P3H1: variants seen among roughly 807,000 people sequenced by gnomAD.
The protein encoded by P3H1 is prolyl 3-hydroxylase 1.
P3H1 carries 69 observed loss-of-function variants against 84.0 expected under a neutral mutation model. The observed-to-expected ratio is 0.82, with a 90% CI of 0.68 to 1.00. P3H1 has a LOEUF of 1.00. Among genes scored for constraint, P3H1 ranks in the 50% least tolerant of loss-of-function variants. The pLI is 0.00. For missense variants in P3H1, 878 were observed against 962.8 expected (o/e 0.91, Z 1.17); for synonymous variants, 366 against 388.8 (o/e 0.94, Z 0.69).
At chr1:42,752,390 G>A in intron 9 of P3H1, 21 bp from the exon 10 acceptor site, 2 of 1,612,994 alleles carry the variant, frequency 1.2e-6, no homozygotes, top group Non-Finnish European at 8.5e-7. Flanking sequence ...CAAAACACAA[G>A]GTGATGTTAG....
At chr1:42,753,966 G>C (rs1305274689) in intron 8 of P3H1, among the ~76,000 whole-genome samples, 1 of 152,030 alleles carries the variant, frequency 6.6e-6, no homozygotes, top group African/African-American at 2.4e-5. Context: ...GTATATCTCA[G>C]ATGCCCTCAT....
intron 14 of P3H1, 65 bp downstream of exon 14, chr1:42,747,207 C>A (rs1225829212): frequency 2.5e-6 from 4 of 1,614,062 alleles, no homozygotes; most frequent in African/African-American, 2.7e-5. Context: ...AAAGGCAAAC[C>A]AAGGGCGCTC....
intron 10 of P3H1, among the ~76,000 whole-genome samples, chr1:42,750,942 G>T (rs1169985947): frequency 7.4e-6 from 1 of 135,752 alleles, no homozygotes; most frequent in South Asian, 2.7e-4. Flanking sequence ...CCGGGAGGGT[G>T]GTGGGGGGGT....
rs370763998 is a variant in P3H1 at position 42,754,223 on chromosome 1, T to C, written c.1345+646A>G. Among the ~76,000 whole-genome samples the C allele has an allele frequency of 1.1e-4, 17 of 151,822 alleles. No individual in the cohort carries two copies. The highest frequency in any genetic ancestry group is 2.7e-4 in the African/African-American group (11 of 41,302). ...CAGACGGGGAAAGGGTGGGTGCAGA[T>C]AGGAGGTGCCAGGGCCTGAAGGAAG... On this transcript the variant is annotated intron_variant, in intron 8 of 14. Coordinates refer to ENST00000296388, the MANE Select transcript of P3H1 (RefSeq NM_022356.4). The surrounding 1 kb of genome is among the most constrained non-coding windows in gnomAD (Gnocchi z 4.0).
chr1:42,755,208 T>C lies in P3H1; in HGVS notation c.1180A>G (p.Thr394Ala), dbSNP rs1315676902. ...CTCTTGGGAATCACTTCTTCTGGAG[T>C]CCATGAATCCTAAGTAGGTCAGGAA... ...GIPFVDPDSW[T>A]PEEVIPKRLQ... Residue 394 changes from threonine (T) to alanine (A), a missense_variant, in exon 7 of 15, where the codon ACT becomes GCT. Transcript: ENST00000296388. The C allele has an allele frequency of 2.5e-6, 4 of 1,614,038 alleles. No homozygotes were observed.
rs780329868 is a variant in P3H1, at chr1:42,748,208, G to C, written c.1830C>G (p.Arg610=). ...CVKEPPAYTF[R]DYSAILYLNG... is the part of the protein sequence containing the mutation. Reference sequence around the variant, plus strand: ...ACCTGCCCCGCACTCACCTGTAGTCGCGGAAGGTGTAGGCTGGGGGCTCTT... The same window carrying C: ...ACCTGCCCCGCACTCACCTGTAGTCCCGGAAGGTGTAGGCTGGGGGCTCTT... Residue 610 remains arginine, a synonymous_variant, in exon 12 of 15, where the codon CGC becomes CGG. Transcript: ENST00000296388. 1.2e-6 allele frequency: 2 copies of C among 1,613,070 alleles called. No individual in the cohort carries two copies. Among genetic ancestry groups the C allele is most frequent in the Non-Finnish European group, 1.7e-6 (2 of 1,179,524 alleles).
intron 11 of P3H1, chr1:42,749,971 C>T: frequency 1.7e-6 from 1 of 591,226 alleles, no homozygotes; most frequent in Non-Finnish European, 3.0e-6. Flanking sequence ...ACCCCATTTC[C>T]CTCTGGGAAG....
intron 14 of P3H1, 38 bp from the exon 15 acceptor site, chr1:42,746,890 C>A (rs924220640): frequency 1.2e-6 from 2 of 1,614,154 alleles, no homozygotes; most frequent in Non-Finnish European, 8.5e-7. Flanking sequence ...GAGAGGCCTC[C>A]GCTCCAGACA....
intron 1 of P3H1, among the ~76,000 whole-genome samples, chr1:42,766,206 A>T (rs977094062): frequency 2.0e-5 from 3 of 152,222 alleles, no homozygotes; most frequent in Admixed American, 2.0e-4. Flanking sequence ...TGGGAGACCC[A>T]AACTGCCGCT....
intron 2 of P3H1, chr1:42,759,996 T>TC (rs929243084): frequency 4.5e-5 from 7 of 154,444 alleles, no homozygotes; most frequent in African/African-American, 1.2e-4. Context: ...TTTTTTTTTT[T>TC]TTTTTGAGTC....
intron 1 of P3H1, among the ~76,000 whole-genome samples, chr1:42,763,954 C>A (rs1652858193): frequency 6.6e-6 from 1 of 151,694 alleles, no homozygotes; most frequent in South Asian, 2.1e-4. Flanking sequence ...ACCAGCGGAT[C>A]ATGAGGTCAG....
chr1:42,760,562 G>T (rs974606218), intron 2 of P3H1: 8 of 151,892 alleles, frequency 5.3e-5, no homozygotes, highest in African/African-American at 1.9e-4. Flanking sequence ...GGCCAGGCTG[G>T]TCTTGAACTT....
In P3H1 at chr1:42,748,233, T is replaced by C; in HGVS notation, c.1805A>G (p.Lys602Arg). 5.0e-6 allele frequency: 8 copies of C among 1,613,932 alleles called. No individual in the cohort carries two copies. The highest frequency in any genetic ancestry group is 6.8e-6 in the Non-Finnish European group (8 of 1,180,010). The change falls in exon 12 of 15, where the codon AAA becomes AGA. Residue 602 changes from lysine to arginine, a missense_variant. Lys to Arg is a conservative substitution (Grantham distance 26). Coordinates refer to ENST00000296388, the MANE Select transcript of P3H1 (RefSeq NM_022356.4). Reference protein sequence around the residue: ...ILNAETLVCVKEPPAYTFRDY... With the variant: ...ILNAETLVCVREPPAYTFRDY... Reference sequence around the variant, plus strand: ...GCGGAAGGTGTAGGCTGGGGGCTCTTTGACACACACGAGGGTCTCGGCATT... The same window carrying C: ...GCGGAAGGTGTAGGCTGGGGGCTCTCTGACACACACGAGGGTCTCGGCATT...
chr1:42,746,642 G>A lies in P3H1; in HGVS notation c.*55C>T. 5 of 1,429,798 alleles carry A rather than the reference G, an allele frequency of 3.5e-6. No individual in the cohort carries two copies. Among genetic ancestry groups the A allele is most frequent in the East Asian group, 5.0e-5 (2 of 40,336 alleles). The allele number at this position is 1,429,798 out of a possible 1,614,324, so 88.6% of individuals were successfully genotyped here. ...CCCGAGGGGCTGGCCAGCTCAGAGT[G>A]CAGAAGAGTTCCTCTCCATGGGTCT... On this transcript the variant is annotated 3_prime_UTR_variant, in exon 15 of 15. Transcript: ENST00000296388.
In P3H1 at chr1:42,754,822, T is replaced by C; in HGVS notation, c.1345+47A>G. 1 of 1,613,702 alleles carries C rather than the reference T, an allele frequency of 6.2e-7. No homozygotes were observed. Among genetic ancestry groups the C allele is most frequent in the Non-Finnish European group, 8.5e-7 (1 of 1,179,738 alleles). On this transcript the variant is annotated intron_variant, in intron 8 of 14. Transcript: ENST00000296388. This position sits in a 1 kb window ranked among gnomAD's most constrained non-coding sequence, Gnocchi z 4.0. The stretch of plus-strand genomic sequence containing the variant: ...CCTGGCAAATGTGGGGTGACCTGCC[T>C]GGCTCCCTGACAACAGCCAGACATG...
chr1:42,757,970 A>G, intron 4 of P3H1, 48 bp from the exon 5 acceptor site: 10 of 1,572,106 alleles, frequency 6.4e-6, no homozygotes, highest in Non-Finnish European at 8.8e-6. Context: ...TCAAAAGGAA[A>G]GGATAAAATC....
At chr1:42,748,027 T>G (rs1651829215) in intron 12 of P3H1, among the ~76,000 whole-genome samples, 173 bp downstream of exon 12, 2 of 152,192 alleles carry the variant, frequency 1.3e-5, no homozygotes, top group African/African-American at 4.8e-5. Context: ...ACGATATGAT[T>G]CCCTCTTTGC....
chr1:42,758,737 T>C (rs752769335), intron 4 of P3H1, 115 bp downstream of exon 4: 32 of 1,262,424 alleles, frequency 2.5e-5, no homozygotes, highest in Non-Finnish European at 3.3e-5. Flanking sequence ...GTGCCTCCCA[T>C]AGCTACTGAA....
chr1:42,763,535 T>G (rs954460990), intron 1 of P3H1, among the ~76,000 whole-genome samples: 5 of 151,068 alleles, frequency 3.3e-5, no homozygotes, highest in Non-Finnish European at 5.9e-5. Context: ...AGCTGGGCGT[T>G]GTGGCGCACA....
Sources: gnomAD v4.1 joint callset for allele counts (sites outside exome capture counted in the v4.1 genomes callset) on GRCh38, gnomAD v4.1.1 for gene constraint, Gnocchi (gnomAD v3.1) non-coding constraint, MANE v1.5 for transcripts, NCBI Gene and HGNC (gene_info 2026-07-23, HGNC 2026-07-21) for gene names.